The following RTN4IP1 variants were observed in gnomAD, a reference collection of about 807,000 sequenced individuals.
RTN4IP1 encodes reticulon 4 interacting protein 1.
RTN4IP1 carries 32 observed loss-of-function variants against 46.6 expected under a neutral mutation model. The ratio of observed to expected loss-of-function variants is 0.69; its 90% CI spans 0.52 to 0.92. RTN4IP1 has a LOEUF of 0.92. Among genes scored for constraint, RTN4IP1 ranks in the 40% least tolerant of loss-of-function variants. The probability of loss-of-function intolerance (pLI) is 0.00; values close to 1 mark genes in which losing one functional copy is unlikely to be tolerated. For synonymous variants in RTN4IP1, 167 were observed against 161.8 expected (o/e 1.03, Z -0.24); for missense variants, 424 against 485.8 (o/e 0.87, Z 1.20).
Position 106,621,410 on chromosome 6 carries a change from G to A in RTN4IP1, c.495+15C>T, listed in dbSNP as rs763451655. 6.9e-6 allele frequency: 11 copies of A among 1,591,470 alleles called. No homozygotes were observed. Among genetic ancestry groups the A allele is most frequent in the Non-Finnish European group, 9.5e-6 (11 of 1,159,600 alleles). The stretch of plus-strand genomic sequence containing the variant: ...TTAAACTTTCTAATGCATTTCAGCA[G>A]AGTTGGTAAGTTACCTCATTCCCAC... On this transcript the variant is annotated intron_variant, in intron 3 of 8. Transcript: ENST00000369063.
At chr6:106,573,570 A>G (rs960971046) in intron 8 of RTN4IP1, among the ~76,000 whole-genome samples, 11 of 152,238 alleles carry the variant, frequency 7.2e-5, no homozygotes, top group Non-Finnish European at 1.3e-4. Context: ...TAGGGGCTCT[A>G]GAGATTTCAT....
rs1180927898 is a variant in RTN4IP1, at chr6:106,612,384, C to CAAAA, written c.620+6814_620+6817dup. 1.6e-3 allele frequency among the ~76,000 whole-genome samples: 31 copies of CAAAA among 18,918 alleles called. 7 individuals carry two copies. Among genetic ancestry groups the CAAAA allele is most frequent in the African/African-American group, 6.0e-3 (29 of 4,834 alleles). 12.4% of individuals were successfully genotyped at this position (18,918 alleles called of 152,430 possible). ...CCTGGGCGACAGAGCAAGACTCCGT[C>CAAAA]AAAAAAAAAAAAAAAAAAAAAAAAA... On this transcript the variant is annotated intron_variant, in intron 4 of 8. Coordinates refer to ENST00000369063, the MANE Select transcript of RTN4IP1 (RefSeq NM_032730.5).
At chr6:106,612,893 C>T (rs1198884660) in intron 4 of RTN4IP1, among the ~76,000 whole-genome samples, 3 of 152,122 alleles carry the variant, frequency 2.0e-5, no homozygotes, top group Admixed American at 6.5e-5. Context: ...GGGATAAGAA[C>T]CCCTTCCCCT....
At chr6:106,593,713 C>T (rs1408192461) in intron 5 of RTN4IP1, among the ~76,000 whole-genome samples, 2 of 152,140 alleles carry the variant, frequency 1.3e-5, no homozygotes, top group African/African-American at 4.8e-5. Flanking sequence ...CAATTTCTCA[C>T]TTTTAAAAAG....
intron 8 of RTN4IP1, 195 bp from the exon 9 acceptor site, chr6:106,572,298 T>C: frequency 1.7e-6 from 1 of 585,434 alleles, no homozygotes; most frequent in East Asian, 2.8e-5. Flanking sequence ...CTTCTCTCTT[T>C]ATGGCCCCTC....
intron 4 of RTN4IP1, among the ~76,000 whole-genome samples, chr6:106,611,979 T>C (rs1314230440): frequency 6.6e-6 from 1 of 152,206 alleles, no homozygotes; most frequent in Non-Finnish European, 1.5e-5. Context: ...CGAAGTGTAT[T>C]CAGAATTTCA....
Position 106,587,779 on chromosome 6 carries a change from T to C in RTN4IP1, c.890A>G (p.Tyr297Cys), listed in dbSNP as rs749329916. The C allele has an allele frequency of 2.0e-5, 32 of 1,613,886 alleles. No individual in the cohort carries two copies. The highest frequency in any genetic ancestry group is 6.7e-5 in the African/African-American group (5 of 74,932). The change falls in exon 7 of 9, where the codon TAT (tyrosine) becomes TGT (cysteine). Residue 297 changes from tyrosine (Y) to cysteine (C), a missense_variant. By Grantham distance (194) the Tyr-to-Cys change is radical. Coordinates refer to ENST00000369063, the MANE Select transcript of RTN4IP1 (RefSeq NM_032730.5). ...DFLKKWSGATYVTLVTPFLLN... is the reference protein window; with the variant it reads ...DFLKKWSGATCVTLVTPFLLN... ...GAGGAAAGGAGTCACCAAAGTCACATAGGTGGCTCCTGACCATTTCTTGAG... is the reference window on the plus strand; with the variant it reads ...GAGGAAAGGAGTCACCAAAGTCACACAGGTGGCTCCTGACCATTTCTTGAG...
In RTN4IP1 at chr6:106,579,175, G is replaced by T. The variant is rs552427499; in HGVS notation, c.1083+4153C>A. Among the ~76,000 whole-genome samples the T allele has an allele frequency of 2.6e-5, 4 of 151,828 alleles. No homozygotes were observed. The South Asian group carries it at 8.3e-4, about 32-fold the overall frequency. On this transcript the variant is annotated intron_variant, in intron 8 of 8. Transcript: ENST00000369063. ...CGCTTGAACCCAGGAGATGGAGGTT[G>T]CAGTGAGCCGAGATCGTGCCACTGC...
intron 5 of RTN4IP1, among the ~76,000 whole-genome samples, chr6:106,598,639 T>C (rs1775866215): frequency 6.6e-6 from 1 of 152,106 alleles, no homozygotes; most frequent in South Asian, 2.1e-4. Context: ...TCTCCCACGT[T>C]GTAGGCTGCC....
chr6:106,590,576 G>A (rs1158924355), intron 6 of RTN4IP1, among the ~76,000 whole-genome samples: 1 of 151,780 alleles, frequency 6.6e-6, no homozygotes, highest in Non-Finnish European at 1.5e-5. Flanking sequence ...TTAGCCAGGC[G>A]TGGTGGCGCA....
chr6:106,589,187 G>A (rs1173571222), intron 6 of RTN4IP1, among the ~76,000 whole-genome samples: 36 of 9,798 alleles, frequency 3.7e-3, no homozygotes, highest in South Asian at 6.1e-3. Flanking sequence ...AGGAGGAGGA[G>A]GGAGGAGGAG....
In RTN4IP1 at chr6:106,601,424, AT is replaced by A. The variant is rs931415350; in HGVS notation, c.669+1449del. ...ACAAAAGTTTTTTTAATTTTGATGA[AT>A]TTTTTTCTTTGGTTGCTTGTGCTTT... On this transcript the variant is annotated intron_variant, in intron 5 of 8. Transcript: ENST00000369063. Among the ~76,000 whole-genome samples, 4 of 152,080 alleles carry A rather than the reference AT, an allele frequency of 2.6e-5. No homozygotes were observed. The South Asian group carries it at 6.2e-4, about 24-fold the overall frequency.
chr6:106,610,957 A>C (rs888249390), intron 4 of RTN4IP1, among the ~76,000 whole-genome samples: 10 of 151,496 alleles, frequency 6.6e-5, no homozygotes, highest in Non-Finnish European at 1.5e-4. Flanking sequence ...GTCACTTTTT[A>C]TTTGGCATTT....
chr6:106,619,148 C>T (rs955388625), intron 4 of RTN4IP1, 54 bp downstream of exon 4: 2 of 1,597,688 alleles, frequency 1.3e-6, no homozygotes, highest in African/African-American at 1.3e-5. Flanking sequence ...CTGCAAGGAA[C>T]TCACAGAAGG....
At chr6:106,607,912 T>G (rs1297181559) in intron 4 of RTN4IP1, 2 of 152,216 alleles carry the variant, frequency 1.3e-5, no homozygotes, top group Non-Finnish European at 2.9e-5. Context: ...ATAGCCAATA[T>G]GGAAAACGGT....
intron 1 of RTN4IP1, among the ~76,000 whole-genome samples, chr6:106,624,041 T>C (rs561159905): frequency 6.6e-6 from 1 of 152,290 alleles, no homozygotes; most frequent in South Asian, 2.1e-4. Context: ...TAAAATCAAG[T>C]TGTTTTATTT....
intron 4 of RTN4IP1, among the ~76,000 whole-genome samples, chr6:106,618,033 A>T (rs1257143549): frequency 6.6e-6 from 1 of 152,236 alleles, no homozygotes; most frequent in Non-Finnish European, 1.5e-5. Flanking sequence ...AAGAAAGATA[A>T]GCCACAATAG....
At chr6:106,595,098 G>A (rs1307285651) in intron 5 of RTN4IP1, among the ~76,000 whole-genome samples, 1 of 152,080 alleles carries the variant, frequency 6.6e-6, no homozygotes, top group Admixed American at 6.6e-5. Flanking sequence ...CACTGTGCCC[G>A]GCCTTAAGTC....
At chr6:106,612,811 A>G (rs1390289657) in intron 4 of RTN4IP1, among the ~76,000 whole-genome samples, 1 of 152,142 alleles carries the variant, frequency 6.6e-6, no homozygotes, top group Non-Finnish European at 1.5e-5. Flanking sequence ...AGCCAATCAG[A>G]ATTAGTTTAG....
Sources: allele counts gnomAD v4.1 joint callset (sites outside exome capture counted in the v4.1 genomes callset), GRCh38; gene constraint gnomAD v4.1.1; transcripts MANE v1.5; gene names NCBI Gene and HGNC (gene_info 2026-07-23, HGNC 2026-07-21).